The following LY86 variants were observed in gnomAD, a reference collection of about 807,000 sequenced individuals.
LY86 encodes lymphocyte antigen 86.
Under a neutral mutation model 17.3 loss-of-function variants are expected in LY86, and 20 were observed. That is an observed-to-expected ratio of 1.15 (90% confidence interval 0.81 to 1.68). LY86 has a LOEUF of 1.68. LY86 is among the 40% of genes most tolerant of loss of function. The pLI, the probability that LY86 is intolerant of heterozygous loss-of-function variation, is 0.00. For missense variants in LY86, 200 were observed against 191.9 expected (o/e 1.04, Z -0.25); for synonymous variants, 74 against 70.6 (o/e 1.05, Z -0.24).
At chr6:6,638,097 A>G (rs1317873640) in intron 3 of LY86, among the ~76,000 whole-genome samples, 2 of 152,328 alleles carry the variant, frequency 1.3e-5, no homozygotes, top group East Asian at 3.9e-4. Context: ...AGCAACGACT[A>G]AATAGTCGGC....
rs1234796791 is a variant in LY86 at position 6,606,629 on chromosome 6, C to T, written c.136+17759C>T. Among the ~76,000 whole-genome samples the T allele has an allele frequency of 1.1e-4, 16 of 152,348 alleles. No individual in the cohort carries two copies. In the South Asian group the frequency reaches 2.5e-3, roughly 24 times the overall value. On this transcript the variant is annotated intron_variant, in intron 1 of 4. Coordinates refer to ENST00000230568, the MANE Select transcript of LY86 (RefSeq NM_004271.4). ...CTAGCCCTGCCACGCGGGGAGGAAG[C>T]TAAGGCCCGGCGAGAAATTGAGCAC...
At chr6:6,589,276 C>T (rs1035368460) in intron 1 of LY86, among the ~76,000 whole-genome samples, 4 of 152,164 alleles carry the variant, frequency 2.6e-5, no homozygotes, top group Non-Finnish European at 4.4e-5. Context: ...ATCTGATGTA[C>T]TTTGCAAGTG....
chr6:6,610,052 G>A (rs1761292265), intron 1 of LY86, among the ~76,000 whole-genome samples: 1 of 152,186 alleles, frequency 6.6e-6, no homozygotes, highest in Non-Finnish European at 1.5e-5. Flanking sequence ...CTCCCAAAGT[G>A]TTGGAATTAC....
chr6:6,609,240 G>A (rs1761272608), intron 1 of LY86, among the ~76,000 whole-genome samples: 1 of 152,216 alleles, frequency 6.6e-6, no homozygotes, highest in African/African-American at 2.4e-5. Flanking sequence ...GTCCAGGAGA[G>A]CTCTATTGCA....
intron 1 of LY86, among the ~76,000 whole-genome samples, chr6:6,612,414 T>C (rs945575997): frequency 3.3e-5 from 5 of 152,230 alleles, no homozygotes; most frequent in Non-Finnish European, 5.9e-5. Context: ...CTAGTCTCAC[T>C]GGCCTCATAA....
At chr6:6,603,540 A>C (rs1276934272) in intron 1 of LY86, among the ~76,000 whole-genome samples, 2 of 151,086 alleles carry the variant, frequency 1.3e-5, no homozygotes, top group African/African-American at 4.9e-5. Context: ...AATAGCAACA[A>C]CAACAAAATG....
At chr6:6,598,668 G>A (rs1288064522) in intron 1 of LY86, among the ~76,000 whole-genome samples, 6 of 152,130 alleles carry the variant, frequency 3.9e-5, no homozygotes, top group Admixed American at 3.9e-4. Context: ...TTTAAGTTGT[G>A]CTAAGTCAGT....
At chr6:6,653,269 A>G (rs1762214159) in intron 4 of LY86, among the ~76,000 whole-genome samples, 1 of 151,588 alleles carries the variant, frequency 6.6e-6, no homozygotes, top group African/African-American at 2.4e-5. Flanking sequence ...CCTTTCATGC[A>G]GCTTCTCTCC....
intron 1 of LY86, among the ~76,000 whole-genome samples, chr6:6,611,937 C>G (rs1016789537): frequency 2.0e-5 from 3 of 152,216 alleles, no homozygotes; most frequent in African/African-American, 7.2e-5. Flanking sequence ...CTGCTCTTAA[C>G]TTCCAGCACG....
chr6:6,605,282 T>TC (rs11405777), intron 1 of LY86, among the ~76,000 whole-genome samples: 104,854 of 152,074 alleles, frequency 0.69, 38,090 homozygotes, highest in East Asian at 0.81. Context: ...CACCTCACAG[T>TC]TTTTTTCCTC....
intron 3 of LY86, among the ~76,000 whole-genome samples, chr6:6,641,389 C>T (rs1883410): frequency 0.039 from 5,863 of 152,230 alleles, 387 homozygotes; most frequent in East Asian, 0.21. Flanking sequence ...CAGAGTTCAC[C>T]GTGCCCCCCT....
At chr6:6,633,207 A>G (rs1761918201) in intron 3 of LY86, among the ~76,000 whole-genome samples, 1 of 152,198 alleles carries the variant, frequency 6.6e-6, no homozygotes, top group African/African-American at 2.4e-5. Flanking sequence ...ACCCAATTAA[A>G]AAGTGGAGAG....
At chr6:6,607,768 C>A (rs188666515) in intron 1 of LY86, among the ~76,000 whole-genome samples, 45 of 151,844 alleles carry the variant, frequency 3.0e-4, no homozygotes, top group African/African-American at 1.0e-3. Context: ...GGCGTAGTGG[C>A]GGGTGCCTGT....
At chr6:6,595,398 AAAG>A (rs57900857) in intron 1 of LY86, among the ~76,000 whole-genome samples, 98,957 of 138,842 alleles carry the variant, frequency 0.71, 37,029 homozygotes, top group Middle Eastern at 0.84. Flanking sequence ...AGAAGGAGGA[AAAG>A]AAGATGAAAG....
chr6:6,624,934 C>T lies in LY86; in HGVS notation c.145C>T (p.Gln49Ter), dbSNP rs1269726046. The T allele has an allele frequency of 5.9e-6, 9 of 1,533,386 alleles. No homozygotes were observed. Among genetic ancestry groups the T allele is most frequent in the Non-Finnish European group, 8.1e-6 (9 of 1,114,940 alleles). 95.0% of individuals were successfully genotyped at this position (1,533,386 alleles called of 1,614,324 possible). A position where few individuals can be genotyped will look rare whatever the true frequency, so the allele number is the denominator to read the frequency against. ...TGTTTTCTTCTTCGTAGATCCATTA[C>T]AAGATTTTGGCTTTTCTGTTGAAAA... ...EVLYQSCDPLQDFGFSVEKCS... is the reference protein window; with the variant it reads ...EVLYQSCDPL The change falls in exon 2 of 5, where the codon CAA becomes TAA. Residue 49 changes from glutamine (Q) to a stop codon, truncating the protein, a stop_gained. Coordinates refer to ENST00000230568, the MANE Select transcript of LY86 (RefSeq NM_004271.4). LOFTEE classifies it high-confidence loss of function.
At chr6:6,599,030 A>G in intron 1 of LY86, among the ~76,000 whole-genome samples, 1 of 152,168 alleles carries the variant, frequency 6.6e-6, no homozygotes, top group Non-Finnish European at 1.5e-5. Context: ...ATTTTTCCCA[A>G]GACTATCTGG....
intron 3 of LY86, among the ~76,000 whole-genome samples, chr6:6,631,939 T>C (rs1761904139): frequency 6.6e-6 from 1 of 152,262 alleles, no homozygotes; most frequent in African/African-American, 2.4e-5. Flanking sequence ...TGAAGTATTA[T>C]TCTTCTTTTG....
chr6:6,639,195 G>A (rs570624890), intron 3 of LY86, among the ~76,000 whole-genome samples: 9 of 151,732 alleles, frequency 5.9e-5, no homozygotes, highest in Admixed American at 1.3e-4. Flanking sequence ...TCCTGAGTTC[G>A]TTTGTGAGTT....
intron 3 of LY86, among the ~76,000 whole-genome samples, chr6:6,638,435 G>A (rs891048140): frequency 1.2e-4 from 19 of 152,092 alleles, no homozygotes; most frequent in Admixed American, 3.9e-4. Context: ...GAATTGCACT[G>A]TCCAATATGA....
Sources: allele counts gnomAD v4.1 joint callset (sites outside exome capture counted in the v4.1 genomes callset), GRCh38; gene constraint gnomAD v4.1.1; transcripts MANE v1.5; gene names NCBI Gene and HGNC (gene_info 2026-07-23, HGNC 2026-07-21).